PIEZO1: variants seen among roughly 807,000 people sequenced by gnomAD.
PIEZO1 encodes the protein piezo type mechanosensitive ion channel component 1 (Er blood group), also known as piezo-type mechanosensitive ion channel component 1.
In PIEZO1, 296 loss-of-function variants were observed where a neutral mutation model predicts 297.2. The ratio of observed to expected loss-of-function variants is 1.00; its 90% CI spans 0.91 to 1.10. The LOEUF (loss-of-function observed/expected upper bound fraction) is 1.10, where lower values mean the gene tolerates loss of function less well. PIEZO1 is among the 50% of genes least tolerant of loss of function. PIEZO1 has a pLI of 0.00. For missense variants in PIEZO1, 5,018 were observed against 3,455.5 expected, an observed-to-expected ratio of 1.45 and a Z score of -11.34; for synonymous variants, 2,427 against 1,507.5, an observed-to-expected ratio of 1.61 and a Z score of -14.13.
At chr16:88,717,612 G>A (rs769944561) in intron 44 of PIEZO1, 67 of 463,312 alleles carry the variant, frequency 1.4e-4, no homozygotes, top group African/African-American at 9.7e-4. Context: ...AAATCTTCAT[G>A]AACCTGGATT....
At chr16:88,746,560 G>C (rs1906068418) in intron 2 of PIEZO1, among the ~76,000 whole-genome samples, 1 of 152,180 alleles carries the variant, frequency 6.6e-6, no homozygotes, top group South Asian at 2.1e-4. Context: ...GGCTCAGATG[G>C]CGTCAGAGCT....
At chr16:88,742,559 C>A in intron 2 of PIEZO1, 137 bp from the exon 3 acceptor site, 3 of 884,610 alleles carry the variant, frequency 3.4e-6, no homozygotes, top group South Asian at 3.4e-5. Flanking sequence ...GACTCAGGAC[C>A]CCATCAGGCA....
chr16:88,715,995 C>G lies in PIEZO1; in HGVS notation c.7254G>C (p.Leu2418=), dbSNP rs1248123174. 1.7e-5 allele frequency: 27 copies of G among 1,550,072 alleles called. No homozygotes were observed. Among genetic ancestry groups the G allele is most frequent in the Non-Finnish European group, 2.4e-5 (27 of 1,146,896 alleles). The change falls in exon 50 of 51, where the codon CTG becomes CTC. Residue 2418 remains leucine, a synonymous_variant. Transcript: ENST00000301015. ...LQECRTDCNL[L]PMVIFSDKVS... Reference sequence around the variant, plus strand: ...CCTTGTCACTGAAAATGACCATGGGCAGCAGGTTGCAGTCGGTCCGGCACT... The same window carrying G: ...CCTTGTCACTGAAAATGACCATGGGGAGCAGGTTGCAGTCGGTCCGGCACT...
chr16:88,724,357 C>G (rs1432182477), intron 30 of PIEZO1, among the ~76,000 whole-genome samples: 1 of 152,084 alleles, frequency 6.6e-6, no homozygotes, highest in African/African-American at 2.4e-5. Context: ...ATGGTGAAAC[C>G]CCATCTCTAC....
rs774392449 is a variant in PIEZO1 at position 88,719,557 on chromosome 16, G to C, written c.6471+17C>G. The C allele has an allele frequency of 3.9e-6, 6 of 1,548,826 alleles. No individual in the cohort carries two copies. In the East Asian group the frequency reaches 1.2e-4, roughly 32 times the overall value. ...ATCCCTGGCCCTTGTCCCGGCCCCC[G>C]CCCTGGGCCCAGGCACCTTCTCTGT... On this transcript the variant is annotated intron_variant, in intron 44 of 50. Transcript: ENST00000301015.
At chr16:88,723,738 C>T in intron 31 of PIEZO1, 133 bp downstream of exon 31, 1 of 624,402 alleles carries the variant, frequency 1.6e-6, no homozygotes, top group Non-Finnish European at 2.9e-6. Flanking sequence ...CTGGATGGGG[C>T]GGGGTGGGCT....
At chr16:88,778,026 G>C (rs988705591) in intron 1 of PIEZO1, among the ~76,000 whole-genome samples, 1 of 152,242 alleles carries the variant, frequency 6.6e-6, no homozygotes, top group Non-Finnish European at 1.5e-5. Context: ...CTGCGGGCCT[G>C]GGAATCTGTT....
intron 44 of PIEZO1, chr16:88,718,022 A>G (rs1912174228): frequency 3.1e-6 from 1 of 326,596 alleles, no homozygotes; most frequent in African/African-American, 2.2e-5. Flanking sequence ...GGCAGAGGCT[A>G]CAGTGAGTGA....
At position 88,716,387 on chromosome 16, in the gene PIEZO1, C is replaced by T. The variant is rs1240356101; in HGVS notation, c.7023G>A (p.Leu2341=). 2 of 1,546,652 alleles carry T rather than the reference C, an allele frequency of 1.3e-6. No homozygotes were observed. The highest frequency in any genetic ancestry group is 1.2e-5 in the South Asian group (1 of 83,698). ...CAGACTGGTCCGAGGTGCCCTCGAG[C>T]AGGCTGGCCAGCTGCCGCCGTGCAG... ...NSTARRQLAS[L]LEGTSDQSVV... Residue 2341 remains leucine, a synonymous_variant, in exon 48 of 51, where the codon CTG becomes CTA. Transcript: ENST00000301015.
intron 1 of PIEZO1, among the ~76,000 whole-genome samples, chr16:88,760,069 G>GTCCACGCCTGGCCCACCC (rs548371758): frequency 0.12 from 9,136 of 73,512 alleles, 343 homozygotes; most frequent in Admixed American, 0.15. Context: ...GTGACACCTG[G>GTCCACGCCTGGCCCACCC]TCCACGCCTG....
At position 88,726,903 on chromosome 16, in the gene PIEZO1, G is replaced by A; in HGVS notation, c.3511C>T (p.Leu1171=). The change falls in exon 25 of 51, where the codon CTG becomes TTG. Residue 1171 remains leucine (L), a synonymous_variant. Transcript: ENST00000301015. ...GCCCCCGTGACAAACACCACCACCAGCACCAGCCAGAACAGGTATCGGAAG... is the reference window on the plus strand; with the variant it reads ...GCCCCCGTGACAAACACCACCACCAACACCAGCCAGAACAGGTATCGGAAG... ...AVFRYLFWLV[L]VVVFVTGATR... The A allele has an allele frequency of 1.9e-6, 3 of 1,550,418 alleles. No individual in the cohort carries two copies. The highest frequency in any genetic ancestry group is 8.7e-7 in the Non-Finnish European group (1 of 1,146,906).
intron 44 of PIEZO1, 118 bp from the exon 45 acceptor site, chr16:88,717,329 C>T (rs939613776): frequency 2.0e-5 from 17 of 850,648 alleles, no homozygotes; most frequent in South Asian, 8.8e-5. Flanking sequence ...CAGTATGGCA[C>T]AGCGGTAGTA....
intron 2 of PIEZO1, among the ~76,000 whole-genome samples, chr16:88,744,777 G>A (rs1224319059): frequency 1.3e-5 from 2 of 151,958 alleles, no homozygotes; most frequent in Non-Finnish European, 2.9e-5. Flanking sequence ...TGGGCCTGGA[G>A]GCCACTCCTG....
chr16:88,782,254 T>C (rs1907969507), intron 1 of PIEZO1, among the ~76,000 whole-genome samples: 1 of 152,114 alleles, frequency 6.6e-6, no homozygotes, highest in East Asian at 1.9e-4. Context: ...GGACTACAGG[T>C]GCACTACCAC....
At chr16:88,733,479 TGGGCTTGGGGA>T in intron 18 of PIEZO1, 25 bp from the exon 19 acceptor site, 2 of 1,539,368 alleles carry the variant, frequency 1.3e-6, no homozygotes, top group South Asian at 2.4e-5. Flanking sequence ...CACGTGGGGC[TGGGCTTGGGGA>T]GGGCAGTGGG....
intron 40 of PIEZO1, 32 bp from the exon 41 acceptor site, chr16:88,720,564 T>C: frequency 6.5e-7 from 1 of 1,542,118 alleles, no homozygotes; most frequent in Non-Finnish European, 8.8e-7. Context: ...CTGGGCCCAG[T>C]ACCCGCCTCC....
In PIEZO1 at chr16:88,722,918, C is replaced by T. The variant is rs770267326; in HGVS notation, c.4587G>A (p.Leu1529=). 2.6e-6 allele frequency: 4 copies of T among 1,549,348 alleles called. No homozygotes were observed. In the East Asian group the frequency reaches 7.3e-5, roughly 28 times the overall value. Residue 1529 remains leucine (L), a synonymous_variant, in exon 34 of 51, where the codon CTG becomes CTA. Transcript: ENST00000301015. The part of the protein sequence containing the change: ...QALVDELTRW[L]QEFTRHHGTM... ...TGCCGTGGTGCCGGGTGAACTCCTG[C>T]AGCCAGCGTGTCAGCTCATCCACTA...
chr16:88,774,831 AG>A (rs1907586625), intron 1 of PIEZO1, among the ~76,000 whole-genome samples: 1 of 152,228 alleles, frequency 6.6e-6, no homozygotes, highest in Non-Finnish European at 1.5e-5. Context: ...ACATGGTCTA[AG>A]ATACCTCAGC....
intron 2 of PIEZO1, among the ~76,000 whole-genome samples, chr16:88,748,918 G>A (rs1365322536): frequency 8.2e-5 from 11 of 133,902 alleles, no homozygotes; most frequent in Non-Finnish European, 1.7e-4. Context: ...GGGAGATAGA[G>A]CGAGACTCGG....
Sources: gnomAD v4.1 joint callset for allele counts (sites outside exome capture counted in the v4.1 genomes callset) on GRCh38, gnomAD v4.1.1 for gene constraint, MANE v1.5 for transcripts, NCBI Gene and HGNC (gene_info 2026-07-23, HGNC 2026-07-21) for gene names.